STARD3: variants seen among roughly 807,000 people sequenced by gnomAD.
STARD3 encodes StAR related lipid transfer domain containing 3, also known as stAR-related lipid transfer protein 3.
In STARD3, 39 loss-of-function variants were observed where a neutral mutation model predicts 62.0. The observed-to-expected ratio is 0.63, with a 90% confidence interval of 0.49 to 0.82. The LOEUF (loss-of-function observed/expected upper bound fraction) is 0.82, where lower values mean the gene tolerates loss of function less well. Among genes scored for constraint, STARD3 ranks in the 40% least tolerant of loss-of-function variants. The pLI is 0.00. For synonymous variants in STARD3, 229 were observed against 242.4 expected (o/e 0.94, Z 0.51); for missense variants, 543 against 584.5 (o/e 0.93, Z 0.73).
In STARD3 at chr17:39,657,817, G is replaced by T. The variant is rs780053453; in HGVS notation, c.340G>T (p.Ala114Ser). The change falls in exon 4 of 15, where the codon GCC becomes TCC. Residue 114 changes from alanine to serine, a missense_variant. By Grantham distance (99) the Ala-to-Ser change is moderately conservative (BLOSUM62 1). Coordinates refer to ENST00000336308, the MANE Select transcript of STARD3 (RefSeq NM_006804.4). ...CTTCTCTGGACTGCTCCTAGGCTAT[G>T]CCGTGCTGCGGCTCCGGCACTGGTG... ...FRFSGLLLGYAVLRLRHWWVI... is the reference protein window; with the variant it reads ...FRFSGLLLGYSVLRLRHWWVI... 7 of 1,614,114 alleles carry T rather than the reference G, an allele frequency of 4.3e-6. No individual in the cohort carries two copies. The highest frequency in any genetic ancestry group is 1.1e-5 in the South Asian group (1 of 91,094).
Position 39,660,585 on chromosome 17 carries a change from G to T in STARD3, c.954+59G>T. On this transcript the variant is annotated intron_variant, in intron 11 of 14. Transcript: ENST00000336308. The surrounding 1 kb of genome is among the most constrained non-coding windows in gnomAD (Gnocchi z 4.8). The stretch of plus-strand genomic sequence containing the variant: ...ATGGGGGCACAGCCACGCCTCAGTG[G>T]GATCACTGAAGCACTCAGCGCCTCA... 1.9e-6 allele frequency: 3 copies of T among 1,554,774 alleles called. No individual in the cohort carries two copies. Among genetic ancestry groups the T allele is most frequent in the Non-Finnish European group, 2.7e-6 (3 of 1,127,230 alleles).
At chr17:39,662,152 C>T in intron 13 of STARD3, 99 bp from the exon 14 acceptor site, 2 of 1,086,808 alleles carry the variant, frequency 1.8e-6, no homozygotes, top group East Asian at 2.5e-5. Flanking sequence ...AGCCCAGTCC[C>T]AGCTGGGCCA....
At chr17:39,662,179 G>T in intron 13 of STARD3, 72 bp from the exon 14 acceptor site, 1 of 1,366,858 alleles carries the variant, frequency 7.3e-7, no homozygotes, top group South Asian at 1.2e-5. Flanking sequence ...GAGTGTGAGT[G>T]GTAGGGGCTG....
chr17:39,660,164 C>T lies in STARD3; in HGVS notation c.796-47C>T, dbSNP rs201272987. ...CACCCATTTCTGTGCCACCAGCCCA[C>T]CCCCTGCCTCCACTCTCCTCCCTGC... On this transcript the variant is annotated intron_variant, in intron 9 of 14. Coordinates refer to ENST00000336308, the MANE Select transcript of STARD3 (RefSeq NM_006804.4). The surrounding 1 kb of genome is among the most constrained non-coding windows in gnomAD (Gnocchi z 4.8). The T allele has an allele frequency of 1.6e-5, 26 of 1,603,744 alleles. No homozygotes were observed. The highest frequency in any genetic ancestry group is 3.3e-5 in the Admixed American group (2 of 59,984).
chr17:39,654,613 G>A (rs1049977166), intron 2 of STARD3, among the ~76,000 whole-genome samples: 4 of 145,168 alleles, frequency 2.8e-5, no homozygotes, highest in Non-Finnish European at 6.0e-5. Context: ...GCCCACATAA[G>A]CAGGAGCCCT....
chr17:39,657,930 C>A (rs1597797983), intron 4 of STARD3, 43 bp from the exon 5 acceptor site: 3 of 1,610,198 alleles, frequency 1.9e-6, no homozygotes, highest in African/African-American at 1.3e-5. Flanking sequence ...GGACTCACTT[C>A]CCAGCCTCTG....
chr17:39,645,125 C>T (rs539718769), intron 1 of STARD3, among the ~76,000 whole-genome samples: 25 of 152,306 alleles, frequency 1.6e-4, no homozygotes, highest in South Asian at 6.2e-4. Flanking sequence ...CGATGCTGTT[C>T]CCTGGGTGGG....
Position 39,662,850 on chromosome 17 carries a change from T to C in STARD3, c.1280T>C (p.Met427Thr). ...YLIHQSLAAT[M>T]FEFAFHLRQR... ...ATCCACCAGAGCCTCGCGGCCACCA[T>C]GTTTGAATTTGCCTTTCACCTGCGA... Residue 427 changes from methionine (M) to threonine (T), a missense_variant, in exon 15 of 15, where the codon ATG (methionine) becomes ACG (threonine). Physicochemically the swap from Met to Thr is moderately conservative, Grantham distance 81. Transcript: ENST00000336308. The C allele has an allele frequency of 6.2e-7, 1 of 1,612,582 alleles. No homozygotes were observed.
In STARD3 at chr17:39,648,413, G is replaced by A. The variant is rs555937334; in HGVS notation, c.-51-5068G>A. ...GCCCAGGAGGTCAAAGCTACAGTGA[G>A]CCATGTTCACGCCTCTGGACTCCAG... is the stretch of plus-strand genomic sequence containing the variant. On this transcript the variant is annotated intron_variant, in intron 1 of 14. Coordinates refer to ENST00000336308, the MANE Select transcript of STARD3 (RefSeq NM_006804.4). Among the ~76,000 whole-genome samples the A allele has an allele frequency of 9.2e-5, 14 of 152,350 alleles. No individual in the cohort carries two copies. In the East Asian group the frequency reaches 2.7e-3, roughly 29 times the overall value.
intron 1 of STARD3, among the ~76,000 whole-genome samples, chr17:39,639,594 C>T (rs953161323): frequency 3.3e-5 from 5 of 152,168 alleles, no homozygotes; most frequent in African/African-American, 1.2e-4. Flanking sequence ...ACAGGGGAGA[C>T]GGAGCTGAGG....
At chr17:39,656,348 G>T (rs975624127) in intron 2 of STARD3, among the ~76,000 whole-genome samples, 1 of 152,140 alleles carries the variant, frequency 6.6e-6, no homozygotes, top group Non-Finnish European at 1.5e-5. Flanking sequence ...GAGTCAGGTC[G>T]CAGTCTGGCC....
Position 39,657,053 on chromosome 17 carries a change from T to C in STARD3, c.265T>C (p.Tyr89His), listed in dbSNP as rs1333579361. The change falls in exon 3 of 15, where the codon TAC (tyrosine) becomes CAC (histidine). Residue 89 changes from tyrosine (Y) to histidine (H), a missense_variant. Coordinates refer to ENST00000336308, the MANE Select transcript of STARD3 (RefSeq NM_006804.4). ...GAACTTGGAGCAGGAGATCATCCAG[T>C]ACAACTTTAAAACTTCCTTCTTCGA... ...RKNLEQEIIQ[Y>H]NFKTSFFDIF... 3 of 1,614,064 alleles carry C rather than the reference T, an allele frequency of 1.9e-6. No individual in the cohort carries two copies. The highest frequency in any genetic ancestry group is 2.7e-5 in the African/African-American group (2 of 74,934).
At position 39,663,067 on chromosome 17, in the gene STARD3, C is replaced by T; in HGVS notation, c.*159C>T. On this transcript the variant is annotated 3_prime_UTR_variant, in exon 15 of 15. Transcript: ENST00000336308. ...GCCTGGAGTTGACTGACTGAGCAGGCTGTGGGGTGGAGCACTGGACTCCGG... is the reference window on the plus strand; with the variant it reads ...GCCTGGAGTTGACTGACTGAGCAGGTTGTGGGGTGGAGCACTGGACTCCGG... 1 of 718,282 alleles carries T rather than the reference C, an allele frequency of 1.4e-6. No homozygotes were observed. The allele number at this position is 718,282 out of a possible 1,614,324, so 44.5% of individuals were successfully genotyped here.
intron 13 of STARD3, 180 bp downstream of exon 13, chr17:39,661,265 T>G: frequency 1.6e-6 from 1 of 623,652 alleles, no homozygotes; most frequent in Non-Finnish European, 2.8e-6. Context: ...GCTCTGTCTG[T>G]GGAGATGGGG....
chr17:39,662,059 G>A (rs1336126579), intron 13 of STARD3, among the ~76,000 whole-genome samples, 192 bp from the exon 14 acceptor site: 1 of 152,174 alleles, frequency 6.6e-6, no homozygotes, highest in Non-Finnish European at 1.5e-5. Context: ...CAGAGTGGGT[G>A]GGGGTGGAGG....
intron 1 of STARD3, among the ~76,000 whole-genome samples, chr17:39,642,615 C>T (rs2056991353): frequency 6.6e-6 from 1 of 152,170 alleles, no homozygotes; most frequent in Non-Finnish European, 1.5e-5. Context: ...TCCTTACTTT[C>T]ATGGAGTTCG....
In STARD3 at chr17:39,660,691, C is replaced by G. The variant is rs987293212; in HGVS notation, c.955-119C>G. ...GGAGGAGGGCAGGAGGAGTGCTCATCAGGCGCTGCCCAGGGCCTGCCTGTG... is the reference window on the plus strand; with the variant it reads ...GGAGGAGGGCAGGAGGAGTGCTCATGAGGCGCTGCCCAGGGCCTGCCTGTG... On this transcript the variant is annotated intron_variant, in intron 11 of 14. Coordinates refer to ENST00000336308, the MANE Select transcript of STARD3 (RefSeq NM_006804.4). The surrounding 1 kb of genome is among the most constrained non-coding windows in gnomAD (Gnocchi z 4.8). 7.3e-7 allele frequency: 1 copy of G among 1,374,290 alleles called. No homozygotes were observed. Among genetic ancestry groups the G allele is most frequent in the Non-Finnish European group, 1.0e-6 (1 of 987,696 alleles). 85.1% of individuals were successfully genotyped at this position (1,374,290 alleles called of 1,614,324 possible). A position where few individuals can be genotyped will look rare whatever the true frequency, so the allele number is the denominator to read the frequency against.
At chr17:39,650,673 G>T (rs1388653621) in intron 1 of STARD3, among the ~76,000 whole-genome samples, 1 of 152,144 alleles carries the variant, frequency 6.6e-6, no homozygotes, top group Non-Finnish European at 1.5e-5. Context: ...AATTAGCCTG[G>T]TGTGGTGGCG....
At chr17:39,653,377 C>A in intron 1 of STARD3, 104 bp from the exon 2 acceptor site, 2 of 769,892 alleles carry the variant, frequency 2.6e-6, no homozygotes, top group Non-Finnish European at 4.1e-6. Context: ...GGGCTTGGGA[C>A]CCAGTGTAGA....
Sources: gnomAD v4.1 joint callset for allele counts (sites outside exome capture counted in the v4.1 genomes callset) on GRCh38, gnomAD v4.1.1 for gene constraint, Gnocchi (gnomAD v3.1) non-coding constraint, MANE v1.5 for transcripts, NCBI Gene and HGNC (gene_info 2026-07-23, HGNC 2026-07-21) for gene names.